The following MAGI2 variants were observed in gnomAD, a reference collection of about 807,000 sequenced individuals.
MAGI2 encodes the protein membrane associated guanylate kinase, WW and PDZ domain containing 2.
A neutral mutation model predicts 133.3 loss-of-function variants in MAGI2; 35 were observed. The ratio of observed to expected loss-of-function variants is 0.26; its 90% confidence interval spans 0.20 to 0.35. The LOEUF is 0.35. Ranked by LOEUF, MAGI2 falls within the 10% of genes least tolerant of loss-of-function variation. MAGI2 has a pLI of 1.00. For missense variants in MAGI2, 1,636 were observed against 1,863.4 expected, an observed-to-expected ratio of 0.88 and a Z score of 2.25; for synonymous variants, 729 against 710.6, an observed-to-expected ratio of 1.03 and a Z score of -0.41.
intron 2 of MAGI2, among the ~76,000 whole-genome samples, chr7:78,658,136 T>C (rs1812509711): frequency 6.6e-6 from 1 of 151,956 alleles, no homozygotes; most frequent in Non-Finnish European, 1.5e-5. Context: ...TTTTCAGGAG[T>C]TTTTGTACTA....
At chr7:79,004,998 C>T (rs1343901022) in intron 2 of MAGI2, among the ~76,000 whole-genome samples, 1 of 151,496 alleles carries the variant, frequency 6.6e-6, no homozygotes, top group Non-Finnish European at 1.5e-5. Context: ...AGGAGAATTG[C>T]TTGAACCTGG....
At position 79,245,263 on chromosome 7, in the gene MAGI2, G is replaced by A. The variant is rs146121998; in HGVS notation, c.301+207757C>T. 2.3e-3 allele frequency among the ~76,000 whole-genome samples: 345 copies of A among 152,304 alleles called. 1 individual carries two copies. The highest frequency in any genetic ancestry group is 8.0e-3 in the African/African-American group (332 of 41,572). On this transcript the variant is annotated intron_variant, in intron 1 of 21. Transcript: ENST00000354212. ...AGAAAAAAAGAAGGAAGAGTAAAGG[G>A]GACTTCATCTGTCAGCATAGGTACT...
chr7:78,235,751 T>A (rs12537443), intron 10 of MAGI2, among the ~76,000 whole-genome samples: 24,573 of 94,570 alleles, frequency 0.26, 2,638 homozygotes, highest in East Asian at 0.41. Flanking sequence ...TAATACTCTA[T>A]TTTTTTTACA....
chr7:78,048,408 G>A lies in MAGI2; in HGVS notation c.3707-28432C>T, dbSNP rs79971008. Among the ~76,000 whole-genome samples, 789 of 152,240 alleles carry A rather than the reference G, an allele frequency of 5.2e-3. 3 individuals carry two copies. The highest frequency in any genetic ancestry group is 0.018 in the African/African-American group (751 of 41,522). ...TACATATGACTGTCACAATGGATGTGTCAGTTGGAGTCACTCTCTCACCTT... is the reference window on the plus strand; with the variant it reads ...TACATATGACTGTCACAATGGATGTATCAGTTGGAGTCACTCTCTCACCTT... On this transcript the variant is annotated intron_variant, in intron 21 of 21. Transcript: ENST00000354212.
chr7:78,997,307 A>C (rs990690062), intron 2 of MAGI2, among the ~76,000 whole-genome samples: 6 of 152,152 alleles, frequency 3.9e-5, no homozygotes, highest in Non-Finnish European at 7.4e-5. Flanking sequence ...GATTTTTGTA[A>C]TAAAAGCGGG....
At chr7:78,885,882 C>T (rs192532100) in intron 2 of MAGI2, among the ~76,000 whole-genome samples, 1 of 152,246 alleles carries the variant, frequency 6.6e-6, no homozygotes, top group African/African-American at 2.4e-5. Context: ...TACCAAAACA[C>T]ATTTCAGCTC....
At chr7:79,061,341 C>G (rs1813709505) in intron 1 of MAGI2, among the ~76,000 whole-genome samples, 1 of 150,398 alleles carries the variant, frequency 6.6e-6, no homozygotes, top group Admixed American at 6.7e-5. Context: ...CATTATATGA[C>G]ACTCGTTTCC....
At chr7:79,319,399 T>C (rs550931229) in intron 1 of MAGI2, among the ~76,000 whole-genome samples, 1 of 152,302 alleles carries the variant, frequency 6.6e-6, no homozygotes, top group South Asian at 2.1e-4. Context: ...AGTAATAGAA[T>C]CCTGGACAAT....
chr7:78,535,076 G>T (rs1323589001), intron 3 of MAGI2, among the ~76,000 whole-genome samples: 2 of 152,130 alleles, frequency 1.3e-5, no homozygotes, highest in African/African-American at 4.8e-5. Flanking sequence ...AGGTTGCAGT[G>T]AGCCGAGATC....
In MAGI2 at chr7:79,439,344, C is replaced by T. The variant is rs576896811; in HGVS notation, c.301+13676G>A. ...CTTCTTGGATTCTAATAACCACCCTCTAACATGAGGAGACTGAGGCTCAGA... is the reference window on the plus strand; with the variant it reads ...CTTCTTGGATTCTAATAACCACCCTTTAACATGAGGAGACTGAGGCTCAGA... On this transcript the variant is annotated intron_variant, in intron 1 of 21. Transcript: ENST00000354212. Among the ~76,000 whole-genome samples, 15 of 152,236 alleles carry T rather than the reference C, an allele frequency of 9.9e-5. No individual in the cohort carries two copies. In the South Asian group the frequency reaches 3.1e-3, roughly 32 times the overall value.
chr7:79,007,966 C>G (rs1340912541), intron 1 of MAGI2, among the ~76,000 whole-genome samples: 1 of 151,490 alleles, frequency 6.6e-6, no homozygotes, highest in Non-Finnish European at 1.5e-5. Context: ...AAAAAATAAA[C>G]TGGGATATAG....
chr7:78,190,610 TAGA>T (rs781299501), intron 12 of MAGI2, among the ~76,000 whole-genome samples: 93 of 152,136 alleles, frequency 6.1e-4, no homozygotes, highest in Non-Finnish European at 1.2e-3. Flanking sequence ...AGACCAGTAA[TAGA>T]AGATTTCCTA....
intron 3 of MAGI2, among the ~76,000 whole-genome samples, chr7:78,579,644 CT>C (rs1305979707): frequency 1.3e-5 from 2 of 152,154 alleles, no homozygotes; most frequent in African/African-American, 2.4e-5. Flanking sequence ...GACTCAGAGT[CT>C]TTTCCTTTGT....
At chr7:78,031,019 A>G (rs1809514270) in intron 21 of MAGI2, among the ~76,000 whole-genome samples, 1 of 152,258 alleles carries the variant, frequency 6.6e-6, no homozygotes, top group Non-Finnish European at 1.5e-5. Context: ...GTACAATGGG[A>G]TAGTTCTCAG....
intron 5 of MAGI2, among the ~76,000 whole-genome samples, chr7:78,493,160 G>T (rs140040413): frequency 4.6e-5 from 7 of 152,106 alleles, no homozygotes; most frequent in Admixed American, 1.3e-4. Context: ...AGTCAAGTCC[G>T]CATTTCTAGT....
chr7:78,521,408 AT>A (rs1331043313), intron 4 of MAGI2, 21 bp downstream of exon 4: 3 of 1,591,206 alleles, frequency 1.9e-6, no homozygotes, highest in Non-Finnish European at 2.6e-6. Context: ...TTATGAAGCC[AT>A]AAAAAATGTA....
chr7:79,420,183 C>T (rs991896526), intron 1 of MAGI2, among the ~76,000 whole-genome samples: 3 of 152,042 alleles, frequency 2.0e-5, no homozygotes. Flanking sequence ...ACTGACCTTT[C>T]AACAACTGCA....
chr7:78,894,350 G>C (rs748163833), intron 2 of MAGI2, among the ~76,000 whole-genome samples: 1 of 152,060 alleles, frequency 6.6e-6, no homozygotes, highest in African/African-American at 2.4e-5. Context: ...TGCAGTGAGC[G>C]GAGATCGCAC....
At chr7:78,937,129 C>T (rs1048414513) in intron 2 of MAGI2, among the ~76,000 whole-genome samples, 5 of 151,694 alleles carry the variant, frequency 3.3e-5, no homozygotes, top group African/African-American at 9.7e-5. Flanking sequence ...AAAATATAAA[C>T]GTGCTCCCCT....
Sources: allele counts gnomAD v4.1 joint callset (sites outside exome capture counted in the v4.1 genomes callset), GRCh38; gene constraint gnomAD v4.1.1; transcripts MANE v1.5; gene names NCBI Gene and HGNC (gene_info 2026-07-23, HGNC 2026-07-21).